The following PPP3CC variants were observed in gnomAD, a reference collection of about 807,000 sequenced individuals.
PPP3CC encodes protein phosphatase 3 catalytic subunit gamma.
Under a neutral mutation model 60.3 loss-of-function variants are expected in PPP3CC, and 35 were observed. That is an observed-to-expected ratio of 0.58 (90% CI 0.44 to 0.77). The LOEUF (loss-of-function observed/expected upper bound fraction) is 0.77, where lower values mean the gene tolerates loss of function less well. PPP3CC is among the 30% of genes least tolerant of loss of function. The pLI is 0.00. For synonymous variants in PPP3CC, 206 were observed against 224.3 expected, an observed-to-expected ratio of 0.92 and a Z score of 0.73; for missense variants, 570 against 628.9, an observed-to-expected ratio of 0.91 and a Z score of 1.00.
intron 10 of PPP3CC, chr8:22,531,157 T>C (rs1381264585): frequency 2.8e-6 from 2 of 706,606 alleles, no homozygotes; most frequent in African/African-American, 3.6e-5. Context: ...CAAGGATATC[T>C]CTTATGAGCT....
At chr8:22,490,849 A>G (rs1002266500) in intron 3 of PPP3CC, among the ~76,000 whole-genome samples, 3 of 152,190 alleles carry the variant, frequency 2.0e-5, no homozygotes, top group East Asian at 1.9e-4. Flanking sequence ...AATCCAGTCT[A>G]TCATTGATGG....
At chr8:22,474,096 T>C (rs1321464245) in intron 1 of PPP3CC, among the ~76,000 whole-genome samples, 1 of 151,818 alleles carries the variant, frequency 6.6e-6, no homozygotes, top group Admixed American at 6.6e-5. Flanking sequence ...AGTTTTGCCA[T>C]GTTGCCCAGG....
chr8:22,472,806 T>C (rs1837769767), intron 1 of PPP3CC, among the ~76,000 whole-genome samples: 1 of 152,160 alleles, frequency 6.6e-6, no homozygotes, highest in African/African-American at 2.4e-5. Flanking sequence ...TGGGGGTTCT[T>C]TTTCTTTCTC....
chr8:22,495,243 C>G (rs955978082), intron 3 of PPP3CC, among the ~76,000 whole-genome samples: 20 of 152,160 alleles, frequency 1.3e-4, no homozygotes, highest in African/African-American at 4.8e-4. Context: ...GCCATTGTGC[C>G]CAGCCATACT....
At chr8:22,444,266 A>G (rs74321380) in intron 1 of PPP3CC, among the ~76,000 whole-genome samples, 19 of 125,138 alleles carry the variant, frequency 1.5e-4, no homozygotes, top group East Asian at 8.7e-4. Flanking sequence ...CAAGCCAAAA[A>G]AAAAAAAAAA....
intron 4 of PPP3CC, among the ~76,000 whole-genome samples, chr8:22,508,175 A>G (rs1384796409): frequency 6.6e-6 from 1 of 152,138 alleles, no homozygotes; most frequent in Non-Finnish European, 1.5e-5. Context: ...GGACCACTTG[A>G]TCCTAGGAGC....
intron 3 of PPP3CC, among the ~76,000 whole-genome samples, chr8:22,476,209 A>G (rs1208151335): frequency 6.6e-6 from 1 of 152,262 alleles, no homozygotes; most frequent in Non-Finnish European, 1.5e-5. Context: ...AATGTGTAAA[A>G]GATAAAACTA....
chr8:22,511,356 C>T, intron 5 of PPP3CC, 125 bp downstream of exon 5: 1 of 1,032,716 alleles, frequency 9.7e-7, no homozygotes, highest in Non-Finnish European at 1.4e-6. Flanking sequence ...GTGGTGCTAT[C>T]TCAGCTCACT....
intron 4 of PPP3CC, among the ~76,000 whole-genome samples, chr8:22,508,909 A>G (rs1038812627): frequency 6.6e-6 from 1 of 152,234 alleles, no homozygotes; most frequent in Non-Finnish European, 1.5e-5. Context: ...AGGAGAGGCA[A>G]TGATGCATAA....
At chr8:22,451,097 C>T (rs950881971) in intron 1 of PPP3CC, among the ~76,000 whole-genome samples, 2 of 151,242 alleles carry the variant, frequency 1.3e-5, no homozygotes, top group African/African-American at 4.9e-5. Flanking sequence ...CCACGGCCTC[C>T]CAAAGTGCTG....
chr8:22,458,373 G>A lies in PPP3CC; in HGVS notation c.50-16581G>A, dbSNP rs192626430. On this transcript the variant is annotated intron_variant, in intron 1 of 13. Transcript: ENST00000240139. ...AGCACTTTGGGAGGCCGAGGCAGGC[G>A]GATTGCTTGAGGTCAGGAATTTGAG... is the stretch of plus-strand genomic sequence containing the variant. Among the ~76,000 whole-genome samples the A allele has an allele frequency of 2.8e-3, 425 of 152,060 alleles. 1 individual carries two copies. The highest frequency in any genetic ancestry group is 9.5e-3 in the African/African-American group (395 of 41,472).
chr8:22,501,877 A>G (rs1838772340), intron 4 of PPP3CC, among the ~76,000 whole-genome samples: 2 of 152,142 alleles, frequency 1.3e-5, no homozygotes, highest in African/African-American at 4.8e-5. Context: ...ACTAGAATTC[A>G]GTCAGCCTGC....
chr8:22,471,492 A>G (rs988905744), intron 1 of PPP3CC, among the ~76,000 whole-genome samples: 3 of 152,150 alleles, frequency 2.0e-5, no homozygotes, highest in African/African-American at 7.2e-5. Flanking sequence ...ACTACTATGC[A>G]TAGTCTATAT....
chr8:22,494,279 C>G (rs980998509), intron 3 of PPP3CC, among the ~76,000 whole-genome samples: 1 of 152,158 alleles, frequency 6.6e-6, no homozygotes, highest in Non-Finnish European at 1.5e-5. Flanking sequence ...GTACTTCTTA[C>G]ATGGCGGTGG....
rs533098936 is a variant in PPP3CC at position 22,499,257 on chromosome 8, G to A, written c.484+1145G>A. On this transcript the variant is annotated intron_variant, in intron 4 of 13. Coordinates refer to ENST00000240139, the MANE Select transcript of PPP3CC (RefSeq NM_005605.5). ...GATCGAGACCATCCTGGCTAACAAG[G>A]TGAAACCCCGTCTCTACTAAAAATA... Among the ~76,000 whole-genome samples, 3 of 150,014 alleles carry A rather than the reference G, an allele frequency of 2.0e-5. No individual in the cohort carries two copies. The South Asian group carries it at 6.4e-4, about 32-fold the overall frequency.
chr8:22,457,359 A>C (rs28546543), intron 1 of PPP3CC, among the ~76,000 whole-genome samples: 80,870 of 150,218 alleles, frequency 0.54, 22,441 homozygotes, highest in East Asian at 0.69. Flanking sequence ...TTTTTTTTCC[A>C]AGGCTGGATC....
intron 1 of PPP3CC, among the ~76,000 whole-genome samples, chr8:22,471,753 G>T (rs1837729226): frequency 6.6e-6 from 1 of 152,048 alleles, no homozygotes; most frequent in Non-Finnish European, 1.5e-5. Context: ...GAATGTGAGG[G>T]CCTAGGACAT....
intron 4 of PPP3CC, among the ~76,000 whole-genome samples, chr8:22,504,999 A>G (rs1372277286): frequency 6.7e-6 from 1 of 150,076 alleles, no homozygotes; most frequent in Non-Finnish European, 1.5e-5. Context: ...TCTAAAGTAA[A>G]TGAATTTCTT....
chr8:22,530,829 C>CAAAAAA (rs58626647), intron 10 of PPP3CC, among the ~76,000 whole-genome samples: 2 of 58,032 alleles, frequency 3.4e-5, no homozygotes, highest in Non-Finnish European at 6.8e-5. Context: ...AGACTCATCT[C>CAAAAAA]AAAAAAAAAA....
Sources: allele counts gnomAD v4.1 joint callset (sites outside exome capture counted in the v4.1 genomes callset), GRCh38; gene constraint gnomAD v4.1.1; transcripts MANE v1.5; gene names NCBI Gene and HGNC (gene_info 2026-07-23, HGNC 2026-07-21).